WDFY3: variants seen among roughly 807,000 people sequenced by gnomAD.
WDFY3 encodes the protein WD repeat and FYVE domain containing 3.
Under a neutral mutation model 409.6 loss-of-function variants are expected in WDFY3, and 66 were observed. The observed-to-expected ratio is 0.16, with a 90% CI of 0.13 to 0.20. The LOEUF is 0.20. Among genes scored for constraint, WDFY3 ranks in the 10% least tolerant of loss-of-function variants. WDFY3 has a pLI of 1.00. For missense variants in WDFY3, 3,031 were observed against 4,298.1 expected (o/e 0.71, Z 8.24); for synonymous variants, 1,521 against 1,537.1 (o/e 0.99, Z 0.25).
rs552709468 is a variant in WDFY3 at position 84,770,362 on chromosome 4, C to T, written c.4849+2473G>A. Among the ~76,000 whole-genome samples the T allele has an allele frequency of 6.6e-5, 10 of 152,262 alleles. No homozygotes were observed. The South Asian group carries it at 1.2e-3, about 19-fold the overall frequency. On this transcript the variant is annotated intron_variant, in intron 30 of 67. Transcript: ENST00000295888. ...ACATTTTTTAAAAGATACAATGCTA[C>T]TGCACAGATAGTAGACTACAGTATA...
At chr4:84,923,127 C>T (rs897219643) in intron 2 of WDFY3, among the ~76,000 whole-genome samples, 18 of 152,064 alleles carry the variant, frequency 1.2e-4, no homozygotes, top group Admixed American at 1.2e-3. Context: ...AAATGCCATT[C>T]TGGCATATTG....
intron 53 of WDFY3, among the ~76,000 whole-genome samples, chr4:84,708,476 C>T (rs1242698728): frequency 6.6e-6 from 1 of 151,976 alleles, no homozygotes; most frequent in Non-Finnish European, 1.5e-5. Flanking sequence ...GAATTAAGTG[C>T]CTTTGCCTAT....
At chr4:84,753,661 A>T (rs1740923870) in intron 35 of WDFY3, 36 bp downstream of exon 35, 1 of 1,512,838 alleles carries the variant, frequency 6.6e-7, no homozygotes, top group African/African-American at 1.4e-5. Flanking sequence ...CTGACATTCT[A>T]ATTCCAGTTC....
At chr4:84,712,714 C>G (rs1464918481) in intron 51 of WDFY3, among the ~76,000 whole-genome samples, 3 of 151,850 alleles carry the variant, frequency 2.0e-5, no homozygotes, top group East Asian at 1.9e-4. Context: ...GACTCCATCT[C>G]TTAACAATAA....
chr4:84,903,547 T>C (rs1442139252), intron 2 of WDFY3, among the ~76,000 whole-genome samples: 3 of 152,148 alleles, frequency 2.0e-5, no homozygotes, highest in Non-Finnish European at 4.4e-5. Context: ...CTCAAACTCC[T>C]GGTTTCAAGT....
Position 84,794,611 on chromosome 4 carries a change from G to T in WDFY3, c.3395C>A (p.Ser1132Tyr). Residue 1132 changes from serine (S) to tyrosine (Y), a missense_variant, in exon 21 of 68, where the codon TCT becomes TAT. Around this residue, in one of 16 missense-constraint regions of WDFY3, gnomAD observed 1,322 missense variants for 1,697.9 expected, o/e 0.78. Transcript: ENST00000295888. Reference sequence around the variant, plus strand: ...TGCAAGGCACACGTAATGTTGCTCAGAAGAATTTGCTCGGCGCACAACAGT... The same window carrying T: ...TGCAAGGCACACGTAATGTTGCTCATAAGAATTTGCTCGGCGCACAACAGT... ...LLTVVRRANS[S>Y]EQHYVCLAIV... is the part of the protein sequence containing the mutation. 1.9e-6 allele frequency: 3 copies of T among 1,614,100 alleles called. No homozygotes were observed. Among genetic ancestry groups the T allele is most frequent in the Non-Finnish European group, 2.5e-6 (3 of 1,180,012 alleles).
intron 2 of WDFY3, among the ~76,000 whole-genome samples, chr4:84,921,521 T>TCTCTGAC (rs1769268968): frequency 1.3e-5 from 2 of 152,090 alleles, no homozygotes. Flanking sequence ...CAGAGAAAAG[T>TCTCTGAC]ATTTTTATAT....
In WDFY3 at chr4:84,874,617, A is replaced by G. The variant is rs1040131034; in HGVS notation, c.-31-13995T>C. On this transcript the variant is annotated intron_variant, in intron 3 of 67. Coordinates refer to ENST00000295888, the MANE Select transcript of WDFY3 (RefSeq NM_014991.6). Reference sequence around the variant, plus strand: ...CCTTTCAGTCCTCTATGTATTATGTATATTGTTTTCTCTGCTAATGATGCC... The same window carrying G: ...CCTTTCAGTCCTCTATGTATTATGTGTATTGTTTTCTCTGCTAATGATGCC... 3.9e-5 allele frequency among the ~76,000 whole-genome samples: 6 copies of G among 152,068 alleles called. No individual in the cohort carries two copies. The East Asian group carries it at 9.7e-4, about 25-fold the overall frequency.
chr4:84,772,529 CAAAT>C (rs1008245125), intron 30 of WDFY3, among the ~76,000 whole-genome samples: 36 of 151,936 alleles, frequency 2.4e-4, no homozygotes, highest in African/African-American at 8.2e-4. Flanking sequence ...TTTAAAAAAT[CAAAT>C]AATGTTCAAA....
chr4:84,741,067 A>T (rs892414259), intron 38 of WDFY3, among the ~76,000 whole-genome samples: 1 of 152,252 alleles, frequency 6.6e-6, no homozygotes, highest in Non-Finnish European at 1.5e-5. Context: ...AAGAGAATAT[A>T]AACTACAAGG....
chr4:84,677,662 T>A (rs1726537955), intron 66 of WDFY3, among the ~76,000 whole-genome samples: 1 of 151,870 alleles, frequency 6.6e-6, no homozygotes, highest in Admixed American at 6.6e-5. Context: ...TTTTAAAAAA[T>A]TCAGAATTTA....
At chr4:84,686,502 T>C (rs1728351278) in intron 62 of WDFY3, among the ~76,000 whole-genome samples, 1 of 152,114 alleles carries the variant, frequency 6.6e-6, no homozygotes, top group Non-Finnish European at 1.5e-5. Flanking sequence ...TACAAGATAG[T>C]TGACTAAAAG....
At chr4:84,925,786 A>G (rs1313746452) in intron 2 of WDFY3, among the ~76,000 whole-genome samples, 6 of 152,012 alleles carry the variant, frequency 3.9e-5, no homozygotes, top group African/African-American at 1.4e-4. Flanking sequence ...GAAATGTCAT[A>G]AGGTCTGAAA....
At chr4:84,927,947 G>C (rs1304931399) in intron 2 of WDFY3, among the ~76,000 whole-genome samples, 1 of 152,206 alleles carries the variant, frequency 6.6e-6, no homozygotes, top group Non-Finnish European at 1.5e-5. Context: ...TCCCATTTCT[G>C]CTGAAAGACA....
At position 84,850,015 on chromosome 4, in the gene WDFY3, T is replaced by A; in HGVS notation, c.191A>T (p.Asn64Ile). Residue 64 changes from asparagine to isoleucine, a missense_variant, in exon 5 of 68, where the codon AAT becomes ATT. Asn to Ile is a moderately radical substitution (Grantham distance 149). Transcript: ENST00000295888. ...TTCTGTCATTGTATTCGGCGGAGCA[T>A]TTCCAAAAACCTGTAGATAAGAAAA... ...MLPVFNRVFG[N>I]APPNTMTEKF... The A allele has an allele frequency of 6.3e-7, 1 of 1,592,122 alleles. No homozygotes were observed. The highest frequency in any genetic ancestry group is 8.5e-7 in the Non-Finnish European group (1 of 1,170,506).
At chr4:84,711,030 A>G (rs1469814194) in intron 51 of WDFY3, among the ~76,000 whole-genome samples, 1 of 152,246 alleles carries the variant, frequency 6.6e-6, no homozygotes, top group African/African-American at 2.4e-5. Flanking sequence ...ACAGACTGGA[A>G]TCAAATTTAT....
At chr4:84,877,629 G>A (rs1199059783) in intron 3 of WDFY3, among the ~76,000 whole-genome samples, 1 of 152,164 alleles carries the variant, frequency 6.6e-6, no homozygotes, top group Non-Finnish European at 1.5e-5. Context: ...CAGTCTGACA[G>A]ATGCCTCACC....
At chr4:84,932,803 G>A (rs1044099999) in intron 1 of WDFY3, among the ~76,000 whole-genome samples, 1 of 152,066 alleles carries the variant, frequency 6.6e-6, no homozygotes, top group Non-Finnish European at 1.5e-5. Flanking sequence ...AGATAAATGC[G>A]GTATAGAGCT....
At chr4:84,743,516 T>A (rs942763035) in intron 37 of WDFY3, among the ~76,000 whole-genome samples, 184 bp downstream of exon 37, 1 of 152,116 alleles carries the variant, frequency 6.6e-6, no homozygotes. Flanking sequence ...ATTCACATGA[T>A]GAAATACTAT....
Sources: allele counts gnomAD v4.1 joint callset (sites outside exome capture counted in the v4.1 genomes callset), GRCh38; gene constraint gnomAD v4.1.1; regional missense constraint gnomAD v4.1.1; transcripts MANE v1.5; gene names NCBI Gene and HGNC (gene_info 2026-07-23, HGNC 2026-07-21).